Variants in KCND3 observed in about 807,000 individuals in gnomAD.
KCND3 encodes potassium voltage-gated channel subfamily D member 3.
A neutral mutation model predicts 51.1 loss-of-function variants in KCND3; 9 were observed. The observed-to-expected ratio is 0.18, with a 90% CI of 0.11 to 0.31. The LOEUF (loss-of-function observed/expected upper bound fraction) is 0.31, where lower values mean the gene tolerates loss of function less well. KCND3 is among the 10% of genes least tolerant of loss of function. KCND3 has a pLI of 1.00. For missense variants in KCND3, 526 were observed against 903.8 expected (o/e 0.58, Z 5.36); for synonymous variants, 349 against 368.0 (o/e 0.95, Z 0.59).
chr1:111,923,724 G>C (rs1362046941), intron 2 of KCND3, among the ~76,000 whole-genome samples: 1 of 152,216 alleles, frequency 6.6e-6, no homozygotes, highest in Non-Finnish European at 1.5e-5. Context: ...ACAGGGCCCT[G>C]CTACCTCGTC....
chr1:111,815,462 T>C (rs570583643), intron 2 of KCND3, among the ~76,000 whole-genome samples: 1 of 151,290 alleles, frequency 6.6e-6, no homozygotes, highest in Admixed American at 6.6e-5. Context: ...GTAAGAATCC[T>C]GCTAAATGGG....
intron 2 of KCND3, among the ~76,000 whole-genome samples, chr1:111,950,769 G>C (rs1017993796): frequency 3.3e-5 from 5 of 152,258 alleles, no homozygotes; most frequent in Admixed American, 6.5e-5. Context: ...TTTTATGGCA[G>C]AGAGCTGTGG....
intron 2 of KCND3, among the ~76,000 whole-genome samples, chr1:111,809,499 G>A (rs956870880): frequency 6.6e-6 from 1 of 151,986 alleles, no homozygotes; most frequent in Non-Finnish European, 1.5e-5. Flanking sequence ...TAGTAGAAAC[G>A]GGGTTTCACC....
chr1:111,880,595 A>C (rs1347357943), intron 2 of KCND3, among the ~76,000 whole-genome samples: 1 of 152,246 alleles, frequency 6.6e-6, no homozygotes, highest in Admixed American at 6.5e-5. Flanking sequence ...TGGTAGTACC[A>C]TATAAATACG....
chr1:111,970,079 C>A (rs1002513985), intron 2 of KCND3, among the ~76,000 whole-genome samples: 2 of 151,780 alleles, frequency 1.3e-5, no homozygotes, highest in African/African-American at 4.8e-5. Flanking sequence ...TGCAATGGCG[C>A]GATCTCAGCT....
chr1:111,967,474 G>A (rs535573008), intron 2 of KCND3, among the ~76,000 whole-genome samples: 2 of 152,194 alleles, frequency 1.3e-5, no homozygotes, highest in African/African-American at 2.4e-5. Flanking sequence ...CTGTGTGGGC[G>A]AGGCTGTTGA....
chr1:111,901,849 G>T (rs1670398291), intron 2 of KCND3, among the ~76,000 whole-genome samples: 1 of 152,072 alleles, frequency 6.6e-6, no homozygotes, highest in Admixed American at 6.5e-5. Flanking sequence ...CCACCCCAAG[G>T]TTCCCAGGAA....
At chr1:111,810,559 CAGTG>C (rs1188414478) in intron 2 of KCND3, among the ~76,000 whole-genome samples, 4 of 152,216 alleles carry the variant, frequency 2.6e-5, no homozygotes, top group African/African-American at 9.7e-5. Flanking sequence ...CTTCTCTTCT[CAGTG>C]AGAATCTATA....
At chr1:111,957,775 A>G (rs1246373290) in intron 2 of KCND3, among the ~76,000 whole-genome samples, 1 of 152,192 alleles carries the variant, frequency 6.6e-6, no homozygotes, top group Non-Finnish European at 1.5e-5. Flanking sequence ...AAATTGGAAC[A>G]CAGCCATGCC....
At position 111,840,074 on chromosome 1, in the gene KCND3, G is replaced by A. The variant is rs1281643146; in HGVS notation, c.1107-52968C>T. ...GAGGGCCTGATCGTCAGAGATGGCC[G>A]TCCTTGCTGCATCCTCACATGGTGG... On this transcript the variant is annotated intron_variant, in intron 2 of 7. Coordinates refer to ENST00000302127, the MANE Select transcript of KCND3 (RefSeq NM_001378969.1). 3.3e-5 allele frequency among the ~76,000 whole-genome samples: 5 copies of A among 152,172 alleles called. No individual in the cohort carries two copies. The South Asian group carries it at 6.2e-4, about 19-fold the overall frequency.
At chr1:111,938,920 G>C (rs988701363) in intron 2 of KCND3, among the ~76,000 whole-genome samples, 6 of 152,190 alleles carry the variant, frequency 3.9e-5, no homozygotes, top group African/African-American at 1.4e-4. Context: ...GGGCTAAACA[G>C]GGAACCCCTG....
intron 2 of KCND3, among the ~76,000 whole-genome samples, chr1:111,840,911 T>C (rs1667294959): frequency 6.6e-6 from 1 of 152,216 alleles, no homozygotes; most frequent in Admixed American, 6.5e-5. Context: ...CCAGGCACTG[T>C]TCTAGGCAGA....
intron 2 of KCND3, among the ~76,000 whole-genome samples, chr1:111,858,272 C>T (rs564513416): frequency 4.6e-5 from 7 of 152,184 alleles, no homozygotes; most frequent in Non-Finnish European, 1.0e-4. Flanking sequence ...GCAAACCCAC[C>T]AGCATCTCTT....
Position 111,775,818 on chromosome 1 carries a change from G to GGCCCCCCCCCC in KCND3, c.*258_*259insGGGGGGGGGGC. ...AGCCTATATCCCCCGGCCTATCCCC[G>GGCCCCCCCCCC]ACCCCCCCACCCTCCCTCCCTTCCT... On this transcript the variant is annotated 3_prime_UTR_variant, in exon 8 of 8. Coordinates refer to ENST00000302127, the MANE Select transcript of KCND3 (RefSeq NM_001378969.1). 2.0e-5 allele frequency: 2 copies of GGCCCCCCCCCC among 99,730 alleles called. No individual in the cohort carries two copies. The highest frequency in any genetic ancestry group is 1.2e-4 in the South Asian group (1 of 8,076). The allele number at this position is 99,730 out of a possible 1,614,324, so 6.2% of individuals were successfully genotyped here.
At chr1:111,984,173 G>C (rs1487443693) in intron 1 of KCND3, among the ~76,000 whole-genome samples, 1 of 152,116 alleles carries the variant, frequency 6.6e-6, no homozygotes, top group Non-Finnish European at 1.5e-5. Flanking sequence ...AATTTTTTCT[G>C]TTACACGAAG....
intron 2 of KCND3, among the ~76,000 whole-genome samples, chr1:111,818,040 G>GCACA (rs59035556): frequency 0.035 from 5,223 of 148,022 alleles, 169 homozygotes; most frequent in African/African-American, 0.086. Flanking sequence ...ACACGCGCGT[G>GCACA]CACACACACA....
chr1:111,817,489 A>T (rs953137286), intron 2 of KCND3, among the ~76,000 whole-genome samples: 14 of 152,200 alleles, frequency 9.2e-5, no homozygotes, highest in African/African-American at 3.4e-4. Flanking sequence ...CCCGACACCG[A>T]CCCAAATGAC....
At chr1:111,851,066 C>T (rs1013925566) in intron 2 of KCND3, among the ~76,000 whole-genome samples, 1 of 152,178 alleles carries the variant, frequency 6.6e-6, no homozygotes, top group African/African-American at 2.4e-5. Context: ...ACCCCCACCC[C>T]TGCTACTTTT....
chr1:111,944,557 C>G (rs1278336996), intron 2 of KCND3, among the ~76,000 whole-genome samples: 1 of 152,204 alleles, frequency 6.6e-6, no homozygotes, highest in East Asian at 1.9e-4. Flanking sequence ...TCCCAGCTGC[C>G]CCTCCTGGGC....
Sources: gnomAD v4.1 joint callset for allele counts (sites outside exome capture counted in the v4.1 genomes callset) on GRCh38, gnomAD v4.1.1 for gene constraint, MANE v1.5 for transcripts, NCBI Gene and HGNC (gene_info 2026-07-23, HGNC 2026-07-21) for gene names.